HYDIN: variants seen among roughly 807,000 people sequenced by gnomAD.
HYDIN encodes the protein HYDIN axonemal central pair apparatus protein, also known as axonemal central pair apparatus protein HYDIN.
In HYDIN, 132 loss-of-function variants were observed where a neutral mutation model predicts 403.9. The observed-to-expected ratio is 0.33, with a 90% CI of 0.28 to 0.38. HYDIN has a LOEUF of 0.38. Among genes scored for constraint, HYDIN ranks in the 10% least tolerant of loss-of-function variants. The probability of loss-of-function intolerance (pLI) is 1.00; values close to 1 mark genes in which losing one functional copy is unlikely to be tolerated. For missense variants in HYDIN, 2,827 were observed against 5,009.5 expected (o/e 0.56, Z 13.15); for synonymous variants, 1,202 against 1,891.7 (o/e 0.64, Z 9.46).
At chr16:71,045,479 AAGTAT>A (rs1372011904) in intron 18 of HYDIN, among the ~76,000 whole-genome samples, 10 of 152,126 alleles carry the variant, frequency 6.6e-5, no homozygotes, top group African/African-American at 2.4e-4. Context: ...TTGGGGAGGC[AAGTAT>A]ATCTAATTCA....
chr16:71,230,507 T>G, intron 1 of HYDIN, 55 bp downstream of exon 1: 8 of 1,475,454 alleles, frequency 5.4e-6, no homozygotes, highest in Non-Finnish European at 7.2e-6. Context: ...GACGCCCCGG[T>G]TAGCCCCCAT....
intron 55 of HYDIN, among the ~76,000 whole-genome samples, chr16:70,893,206 T>C (rs182464090): frequency 6.6e-6 from 1 of 152,336 alleles, no homozygotes; most frequent in East Asian, 1.9e-4. Context: ...CTATCACCTG[T>C]TCCAACCTGA....
chr16:70,807,970 C>A lies in HYDIN; in HGVS notation c.14976G>T (p.Glu4992Asp). The change falls in exon 86 of 86, where the codon GAG becomes GAT. Residue 4992 changes from glutamate (E) to aspartate (D), a missense_variant. Glu to Asp is a conservative substitution (Grantham distance 45). Coordinates refer to ENST00000393567, the MANE Select transcript of HYDIN (RefSeq NM_001270974.2). Reference sequence around the variant, plus strand: ...CCTTGGTCTCACCCAGGTGGCTGGGCTCGAATAAGACTTCCACACTGGCTT... The same window carrying A: ...CCTTGGTCTCACCCAGGTGGCTGGGATCGAATAAGACTTCCACACTGGCTT... ...GTEASVEVLF[E>D]PSHLGETKGI... is the part of the protein sequence containing the mutation. 1 of 1,614,128 alleles carries A rather than the reference C, an allele frequency of 6.2e-7. No homozygotes were observed.
At chr16:70,820,170 ATTTT>A (rs145606548) in intron 83 of HYDIN, among the ~76,000 whole-genome samples, 1 of 98,536 alleles carries the variant, frequency 1.0e-5, no homozygotes, top group Non-Finnish European at 2.2e-5. Context: ...ATTTAAAGTG[ATTTT>A]TTTTTCTTTT....
At chr16:70,871,488 T>A (rs988926696) in intron 65 of HYDIN, among the ~76,000 whole-genome samples, 20 of 150,990 alleles carry the variant, frequency 1.3e-4, no homozygotes, top group Non-Finnish European at 2.5e-4. Context: ...CAAGCTTTAG[T>A]CAGCAATTCA....
In HYDIN at chr16:70,921,001, T is replaced by A. The variant is rs771291412; in HGVS notation, c.7375A>T (p.Thr2459Ser). The A allele has an allele frequency of 1.5e-5, 23 of 1,575,648 alleles. No individual in the cohort carries two copies. The highest frequency in any genetic ancestry group is 2.0e-5 in the Non-Finnish European group (23 of 1,155,342). The change falls in exon 46 of 86, where the codon ACC (threonine) becomes TCC (serine). Residue 2459 changes from threonine to serine, a missense_variant. By Grantham distance (58) the Thr-to-Ser change is moderately conservative. Transcript: ENST00000393567. ...ACATCCTTCAGTGTCAATTCATAGG[T>A]CTTAAACTTCGGGGCCAGTTGCTTG... ...PDKQLAPKFK[T>S]YELTLKDVQN... is the part of the protein sequence containing the mutation.
At position 70,992,818 on chromosome 16, in the gene HYDIN, A is replaced by T. The variant is rs148305500; in HGVS notation, c.3645-608T>A. ...TCTGAGCAGAGGAACCCAGGGGAAAAGCAACTGTACCGGCTGGTGCTGAAG... is the reference window on the plus strand; with the variant it reads ...TCTGAGCAGAGGAACCCAGGGGAAATGCAACTGTACCGGCTGGTGCTGAAG... On this transcript the variant is annotated intron_variant, in intron 23 of 85. Coordinates refer to ENST00000393567, the MANE Select transcript of HYDIN (RefSeq NM_001270974.2). Among the ~76,000 whole-genome samples the T allele has an allele frequency of 8.7e-3, 1,320 of 152,278 alleles. 14 individuals carry two copies. The highest frequency in any genetic ancestry group is 0.078 in the Middle Eastern group (23 of 294).
chr16:71,186,309 A>G (rs893423414), intron 2 of HYDIN, among the ~76,000 whole-genome samples: 1 of 152,262 alleles, frequency 6.6e-6, no homozygotes, highest in East Asian at 1.9e-4. Flanking sequence ...CAGGAAAAAT[A>G]CCTATTTTTC....
chr16:70,961,615 G>A (rs1191612843), intron 38 of HYDIN, among the ~76,000 whole-genome samples: 1 of 152,108 alleles, frequency 6.6e-6, no homozygotes, highest in Non-Finnish European at 1.5e-5. Context: ...CCCAACTGGG[G>A]GGACACTGGG....
chr16:71,178,725 G>A (rs1206988924), intron 4 of HYDIN, among the ~76,000 whole-genome samples: 2 of 152,038 alleles, frequency 1.3e-5, no homozygotes, highest in Non-Finnish European at 2.9e-5. Flanking sequence ...TACGTGTTAG[G>A]CACTGGTTAG....
At chr16:71,211,106 C>T (rs1056637563) in intron 1 of HYDIN, among the ~76,000 whole-genome samples, 13 of 151,884 alleles carry the variant, frequency 8.6e-5, no homozygotes, top group African/African-American at 2.9e-4. Context: ...AGACTGGGAC[C>T]CAAAATTAAA....
At chr16:71,220,672 C>T (rs1376053210) in intron 1 of HYDIN, among the ~76,000 whole-genome samples, 2 of 152,078 alleles carry the variant, frequency 1.3e-5, no homozygotes, top group African/African-American at 4.8e-5. Flanking sequence ...TGATTCAATA[C>T]AAAAATTATT....
In HYDIN at chr16:70,938,611, G is replaced by A. The variant is rs1033404138; in HGVS notation, c.6995+3C>T. On this transcript the variant is annotated splice_donor_region_variant and intron_variant, in intron 44 of 85. Transcript: ENST00000393567. ...TCTGCTCTGGCCAGCCCTTGGCCCT[G>A]ACCTCTTCTTCCGCTCGCGGAGCGC... 6 of 1,581,878 alleles carry A rather than the reference G, an allele frequency of 3.8e-6. No homozygotes were observed. In the African/African-American group the frequency reaches 4.0e-5, roughly 11 times the overall value.
chr16:71,150,539 A>G (rs1406298873), intron 7 of HYDIN, among the ~76,000 whole-genome samples: 2 of 151,834 alleles, frequency 1.3e-5, no homozygotes, highest in South Asian at 2.1e-4. Context: ...CATCACACAT[A>G]CACAAAAATT....
At chr16:71,213,925 T>C (rs1030194241) in intron 1 of HYDIN, among the ~76,000 whole-genome samples, 4 of 151,976 alleles carry the variant, frequency 2.6e-5, no homozygotes, top group Admixed American at 2.6e-4. Flanking sequence ...TCAACAGAAA[T>C]TTAAGGTCCT....
intron 43 of HYDIN, chr16:70,941,428 A>G (rs2077668777): frequency 7.9e-6 from 3 of 378,716 alleles, no homozygotes; most frequent in Non-Finnish European, 1.4e-5. Context: ...ATGGAGGGGT[A>G]CAGTGTGATG....
chr16:70,837,650 G>A (rs566470835), intron 77 of HYDIN, 40 bp downstream of exon 77: 5 of 1,612,068 alleles, frequency 3.1e-6, no homozygotes, highest in South Asian at 1.1e-5. Context: ...AGGGTAGAAA[G>A]GAGGGTGCCA....
intron 18 of HYDIN, among the ~76,000 whole-genome samples, chr16:71,055,650 G>A (rs1076247): frequency 4.8e-5 from 6 of 126,222 alleles, no homozygotes; most frequent in East Asian, 5.0e-4. Context: ...TTAAAAGAAC[G>A]ATGCTTGGAT....
intron 52 of HYDIN, among the ~76,000 whole-genome samples, chr16:70,902,822 T>TATATATATATATA (rs1491533720): frequency 6.4e-4 from 11 of 17,196 alleles, no homozygotes; most frequent in South Asian, 4.3e-3. Context: ...TATATATATA[T>TATATATATATATA]TTTTTTTTTT....
Sources: allele counts gnomAD v4.1 joint callset (sites outside exome capture counted in the v4.1 genomes callset), GRCh38; gene constraint gnomAD v4.1.1; transcripts MANE v1.5; gene names NCBI Gene and HGNC (gene_info 2026-07-23, HGNC 2026-07-21).